The following CHSY3 variants were observed in gnomAD, a reference collection of about 807,000 sequenced individuals.
CHSY3 encodes chondroitin sulfate synthase 3, also known as N-acetylgalactosaminyl-proteoglycan 3-beta-glucuronosyltransferase 3.
In CHSY3, 35 loss-of-function variants were observed where a neutral mutation model predicts 67.2. That is an observed-to-expected ratio of 0.52 (90% confidence interval 0.40 to 0.69). The LOEUF is 0.69. Among genes scored for constraint, CHSY3 ranks in the 30% least tolerant of loss-of-function variants. The pLI, the probability that CHSY3 is intolerant of heterozygous loss-of-function variation, is 0.00. For synonymous variants in CHSY3, 474 were observed against 434.7 expected, an observed-to-expected ratio of 1.09 and a Z score of -1.12; for missense variants, 1,069 against 1,138.5, an observed-to-expected ratio of 0.94 and a Z score of 0.88.
At chr5:130,143,786 A>ATATATATATATATATATATATGTGTG (rs1768970425) in intron 2 of CHSY3, among the ~76,000 whole-genome samples, 1 of 28,136 alleles carries the variant, frequency 3.6e-5, no homozygotes, top group East Asian at 8.9e-4. Flanking sequence ...ATATATGTGT[A>ATATATATATATATATATATATGTGTG]TATATATATA....
intron 2 of CHSY3, among the ~76,000 whole-genome samples, chr5:130,177,007 G>A (rs1770074077): frequency 1.3e-5 from 2 of 151,914 alleles, no homozygotes; most frequent in South Asian, 2.1e-4. Flanking sequence ...TTAAATACTT[G>A]TTATTTTGAT....
chr5:130,106,093 G>T (rs1469526820), intron 2 of CHSY3, among the ~76,000 whole-genome samples: 1 of 151,570 alleles, frequency 6.6e-6, no homozygotes, highest in Non-Finnish European at 1.5e-5. Context: ...AAGTGGATTT[G>T]GATATGAGAA....
At chr5:130,174,068 T>A (rs1769973153) in intron 2 of CHSY3, among the ~76,000 whole-genome samples, 1 of 152,094 alleles carries the variant, frequency 6.6e-6, no homozygotes, top group Non-Finnish European at 1.5e-5. Context: ...AACAATAAAA[T>A]GGGTTTAATA....
intron 2 of CHSY3, among the ~76,000 whole-genome samples, chr5:130,005,828 T>C (rs895596883): frequency 2.0e-5 from 3 of 152,236 alleles, no homozygotes; most frequent in African/African-American, 7.2e-5. Context: ...AATTGACATA[T>C]AATTTCCAAA....
intron 2 of CHSY3, among the ~76,000 whole-genome samples, chr5:129,959,447 A>G (rs527924656): frequency 4.6e-5 from 7 of 152,270 alleles, no homozygotes; most frequent in African/African-American, 1.7e-4. Context: ...TGAATAAAAA[A>G]TTTGAAAACA....
In CHSY3 at chr5:130,074,229, C is replaced by A. The variant is rs186521437; in HGVS notation, c.1087-110000C>A. On this transcript the variant is annotated intron_variant, in intron 2 of 2. Coordinates refer to ENST00000305031, the MANE Select transcript of CHSY3 (RefSeq NM_175856.5). Reference sequence around the variant, plus strand: ...GGGACTACAGTTGCACGCCATGACGCCTAGCTAATTTTTGTATTTTTAGTA... The same window carrying A: ...GGGACTACAGTTGCACGCCATGACGACTAGCTAATTTTTGTATTTTTAGTA... 2.0e-5 allele frequency among the ~76,000 whole-genome samples: 3 copies of A among 152,094 alleles called. No individual in the cohort carries two copies. In the East Asian group the frequency reaches 5.8e-4, roughly 30 times the overall value.
At chr5:130,062,966 T>C (rs1383259449) in intron 2 of CHSY3, among the ~76,000 whole-genome samples, 3 of 152,170 alleles carry the variant, frequency 2.0e-5, no homozygotes, top group Non-Finnish European at 2.9e-5. Context: ...ATTTGGTGGA[T>C]AATAAATAGC....
chr5:130,017,754 T>C (rs917389539), intron 2 of CHSY3, among the ~76,000 whole-genome samples: 9 of 152,126 alleles, frequency 5.9e-5, no homozygotes, highest in Non-Finnish European at 5.9e-5. Context: ...TGTTGCAATA[T>C]ATAAAGTTAA....
At chr5:129,995,216 G>A (rs909196517) in intron 2 of CHSY3, among the ~76,000 whole-genome samples, 15 of 152,016 alleles carry the variant, frequency 9.9e-5, no homozygotes, top group Admixed American at 6.5e-4. Flanking sequence ...ATGTTTATTA[G>A]CCATGTGTAT....
intron 2 of CHSY3, among the ~76,000 whole-genome samples, chr5:129,941,987 A>C (rs543499011): frequency 6.6e-6 from 1 of 152,190 alleles, no homozygotes; most frequent in South Asian, 2.1e-4. Flanking sequence ...ACAGATAAAG[A>C]GATGCGTAGG....
At chr5:129,937,642 A>G (rs1361702982) in intron 2 of CHSY3, among the ~76,000 whole-genome samples, 1 of 152,146 alleles carries the variant, frequency 6.6e-6, no homozygotes, top group African/African-American at 2.4e-5. Flanking sequence ...TGAGCCTGAA[A>G]AAAAAAAATA....
intron 2 of CHSY3, among the ~76,000 whole-genome samples, chr5:130,032,058 G>T (rs1182759929): frequency 1.3e-5 from 2 of 152,074 alleles, no homozygotes; most frequent in Non-Finnish European, 2.9e-5. Flanking sequence ...ATCACAACTT[G>T]TATTTCATTT....
At chr5:130,109,736 G>A (rs1022367807) in intron 2 of CHSY3, among the ~76,000 whole-genome samples, 6 of 151,508 alleles carry the variant, frequency 4.0e-5, no homozygotes, top group Non-Finnish European at 5.9e-5. Context: ...GATGAATATC[G>A]GGAAATATTA....
intron 2 of CHSY3, among the ~76,000 whole-genome samples, chr5:130,160,002 A>G (rs1245773801): frequency 1.3e-5 from 2 of 152,188 alleles, no homozygotes; most frequent in Non-Finnish European, 2.9e-5. Context: ...GGTGTCACCC[A>G]GGTTACAGAA....
At chr5:129,908,527 G>T (rs1385798038) in intron 2 of CHSY3, among the ~76,000 whole-genome samples, 167 bp downstream of exon 2, 1 of 152,146 alleles carries the variant, frequency 6.6e-6, no homozygotes, top group African/African-American at 2.4e-5. Flanking sequence ...CTCATTAGGT[G>T]TCAGGCCTGT....
In CHSY3 at chr5:130,018,372, T is replaced by A. The variant is rs150589182; in HGVS notation, c.1086+110012T>A. ...ATGTTATAACAAGTATCCAGAAATA[T>A]AATTGTTTAAATTACAATCACCCCT... On this transcript the variant is annotated intron_variant, in intron 2 of 2. Coordinates refer to ENST00000305031, the MANE Select transcript of CHSY3 (RefSeq NM_175856.5). Among the ~76,000 whole-genome samples, 625 of 152,280 alleles carry A rather than the reference T, an allele frequency of 4.1e-3. 4 individuals carry two copies. The highest frequency in any genetic ancestry group is 0.014 in the African/African-American group (593 of 41,564).
At chr5:130,127,119 C>G (rs1374548958) in intron 2 of CHSY3, among the ~76,000 whole-genome samples, 1 of 152,144 alleles carries the variant, frequency 6.6e-6, no homozygotes, top group Non-Finnish European at 1.5e-5. Flanking sequence ...CTTTGTTTTC[C>G]AAGTGTATAT....
chr5:130,103,028 GA>G (rs957041159), intron 2 of CHSY3, among the ~76,000 whole-genome samples: 1 of 150,160 alleles, frequency 6.7e-6, no homozygotes, highest in Non-Finnish European at 1.5e-5. Context: ...CAGCTAAAAA[GA>G]AAAAAAAATA....
rs573067743 is a variant in CHSY3, at chr5:129,960,468, AT to A, written c.1086+52113del. ...TTGTGAAATGACTTGGGAAATTTAA[AT>A]TTTTATCATTTAAAAAAGACAACTG... On this transcript the variant is annotated intron_variant, in intron 2 of 2. Transcript: ENST00000305031. 3.7e-4 allele frequency among the ~76,000 whole-genome samples: 57 copies of A among 152,132 alleles called. 1 individual carries two copies. The South Asian group carries it at 0.011, about 30-fold the overall frequency.
Sources: gnomAD v4.1 joint callset for allele counts (sites outside exome capture counted in the v4.1 genomes callset) on GRCh38, gnomAD v4.1.1 for gene constraint, MANE v1.5 for transcripts, NCBI Gene and HGNC (gene_info 2026-07-23, HGNC 2026-07-21) for gene names.